Variants in ST7L observed in about 807,000 individuals in gnomAD.
ST7L encodes the protein suppressor of tumorigenicity 7 protein-like.
In ST7L, 57 loss-of-function variants were observed where a neutral mutation model predicts 72.5. The observed-to-expected ratio is 0.79, with a 90% CI of 0.64 to 0.98. The LOEUF (loss-of-function observed/expected upper bound fraction) is 0.98. Ranked by LOEUF, ST7L falls within the 50% of genes least tolerant of loss-of-function variation. ST7L has a pLI of 0.00. For synonymous variants in ST7L, 221 were observed against 240.9 expected (o/e 0.92, Z 0.77); for missense variants, 576 against 672.2 (o/e 0.86, Z 1.58).
downstream of ST7L, chr1:112,521,207 C>G (rs1652853675): frequency 6.6e-6 from 1 of 152,222 alleles, no homozygotes. Context: ...CCTGTTCAAA[C>G]TGAGGTGGAA....
intron 11 of ST7L, among the ~76,000 whole-genome samples, chr1:112,574,297 A>G (rs1424051340): frequency 1.4e-5 from 2 of 146,218 alleles, no homozygotes; most frequent in Admixed American, 6.8e-5. Context: ...GCTCACTGCA[A>G]CCTCTGCCTC....
intron 6 of ST7L, among the ~76,000 whole-genome samples, chr1:112,584,349 G>GT (rs1042986132): frequency 2.7e-4 from 36 of 133,572 alleles, no homozygotes; most frequent in Admixed American, 1.9e-3. Context: ...CCTTCTCTTT[G>GT]TTTTTTAAAA....
rs1277186017 is a variant in ST7L at position 112,600,840 on chromosome 1, C to T, written c.460G>A (p.Val154Ile). ...AAAAGATTTAGAGGGTTTCTCCATA[C>T]CTTACATTCTGAAAAACAAGGGAGA... ...TSRQNLSECK[V>I]WRNPLNLFRG... Residue 154 changes from valine to isoleucine, a missense_variant, in exon 4 of 15, where the codon GTA becomes ATA. Physicochemically the swap from Val to Ile is conservative, Grantham distance 29. This residue lies in a region of ST7L where 511 missense variants were observed against 600.7 expected (regional missense o/e 0.85). Coordinates refer to ENST00000358039, the MANE Select transcript of ST7L (RefSeq NM_017744.5). The T allele has an allele frequency of 1.2e-6, 2 of 1,608,664 alleles. No homozygotes were observed. The highest frequency in any genetic ancestry group is 2.2e-5 in the South Asian group (2 of 90,282).
At chr1:112,614,543 T>G (rs895998201) in intron 2 of ST7L, among the ~76,000 whole-genome samples, 16 of 152,196 alleles carry the variant, frequency 1.1e-4, no homozygotes, top group African/African-American at 3.9e-4. Context: ...ATCTCGTTCT[T>G]GTTTGGCATT....
At chr1:112,520,500 C>T (rs1304046731), downstream of ST7L, 2 of 1,613,996 alleles carry the variant, frequency 1.2e-6, no homozygotes, top group Middle Eastern at 3.3e-4. Context: ...AGTGGCTGGA[C>T]CAAACCTGAA....
intron 9 of ST7L, among the ~76,000 whole-genome samples, chr1:112,578,863 G>A (rs114492778): frequency 0.02 from 3,068 of 152,288 alleles, 106 homozygotes; most frequent in African/African-American, 0.069. Context: ...ACCTGGACGT[G>A]ATGTTGAAAA....
chr1:112,564,488 G>C (rs757896485), intron 11 of ST7L, among the ~76,000 whole-genome samples: 4 of 152,032 alleles, frequency 2.6e-5, no homozygotes, highest in Non-Finnish European at 5.9e-5. Context: ...ATATATGCCG[G>C]TGCTATGATA....
intron 11 of ST7L, among the ~76,000 whole-genome samples, chr1:112,568,864 AT>A (rs1661554399): frequency 1.2e-5 from 1 of 83,060 alleles, no homozygotes; most frequent in African/African-American, 3.9e-5. Context: ...AAATATAAAT[AT>A]ATATATATAT....
chr1:112,556,735 T>G (rs551728319), intron 11 of ST7L, among the ~76,000 whole-genome samples: 50 of 152,022 alleles, frequency 3.3e-4, no homozygotes, highest in African/African-American at 1.2e-3. Flanking sequence ...CCCAACACTT[T>G]GAGAGGCCAA....
intron 11 of ST7L, among the ~76,000 whole-genome samples, chr1:112,565,107 C>T (rs1004853290): frequency 1.3e-5 from 2 of 150,588 alleles, no homozygotes; most frequent in Non-Finnish European, 3.0e-5. Flanking sequence ...TGCAATGGCG[C>T]GATCTCGGCT....
downstream of ST7L, chr1:112,520,840 C>T: frequency 3.3e-6 from 1 of 301,720 alleles, no homozygotes; most frequent in Non-Finnish European, 6.2e-6. Context: ...TTTGCACCAG[C>T]TTCCCGATAC....
intron 13 of ST7L, among the ~76,000 whole-genome samples, chr1:112,548,915 T>C (rs1326632086): frequency 6.6e-6 from 1 of 152,196 alleles, no homozygotes; most frequent in East Asian, 1.9e-4. Flanking sequence ...GTTCTTTGAC[T>C]GCTCTTTTTC....
intron 14 of ST7L, among the ~76,000 whole-genome samples, chr1:112,539,006 C>T (rs569626647): frequency 6.6e-6 from 1 of 152,328 alleles, no homozygotes; most frequent in African/African-American, 2.4e-5. Flanking sequence ...CAAAGCAAAG[C>T]AGCCTGCCTC....
rs1262357408 is a variant in ST7L, at chr1:112,564,778, T to C, written c.1246-8760A>G. On this transcript the variant is annotated intron_variant, in intron 11 of 14. Coordinates refer to ENST00000358039, the MANE Select transcript of ST7L (RefSeq NM_017744.5). ...GTTGCAGTGAGCCGAGACTGTGCCA[T>C]TGCACTCCAGCCTGGGCAACAAGAG... Among the ~76,000 whole-genome samples, 11 of 144,022 alleles carry C rather than the reference T, an allele frequency of 7.6e-5. No individual in the cohort carries two copies. The South Asian group carries it at 2.2e-3, about 29-fold the overall frequency. The allele number at this position is 144,022 out of a possible 152,430, so 94.5% of individuals were successfully genotyped here. A position where few individuals can be genotyped will look rare whatever the true frequency, so the allele number is the denominator to read the frequency against.
intron 10 of ST7L, 46 bp from the exon 11 acceptor site, chr1:112,577,134 G>A (rs1663230229): frequency 1.4e-5 from 18 of 1,263,962 alleles, no homozygotes; most frequent in South Asian, 3.1e-5. Context: ...CTAAAAAAAA[G>A]AAAAAAAGTA....
At chr1:112,616,052 T>G (rs184036070) in intron 2 of ST7L, among the ~76,000 whole-genome samples, 153 of 152,290 alleles carry the variant, frequency 1.0e-3, no homozygotes, top group Non-Finnish European at 1.5e-3. Context: ...GGGTTCTCTT[T>G]AAATCATTTG....
At chr1:112,571,999 G>A (rs1259512293) in intron 11 of ST7L, among the ~76,000 whole-genome samples, 1 of 152,180 alleles carries the variant, frequency 6.6e-6, no homozygotes, top group Non-Finnish European at 1.5e-5. Context: ...TTCTTGATCT[G>A]TGGGCTGCAG....
chr1:112,548,852 G>A (rs1337322716), intron 13 of ST7L, among the ~76,000 whole-genome samples: 1 of 152,208 alleles, frequency 6.6e-6, no homozygotes, highest in Non-Finnish European at 1.5e-5. Flanking sequence ...GCAGGAACTA[G>A]ACTGAAACAC....
Position 112,598,567 on chromosome 1 carries a change from T to C in ST7L, c.507-481A>G, listed in dbSNP as rs185670881. 8.5e-3 allele frequency among the ~76,000 whole-genome samples: 1,279 copies of C among 149,756 alleles called. 16 individuals are homozygous for C. The highest frequency in any genetic ancestry group is 0.012 in the Non-Finnish European group (823 of 67,634). On this transcript the variant is annotated intron_variant, in intron 4 of 14. Coordinates refer to ENST00000358039, the MANE Select transcript of ST7L (RefSeq NM_017744.5). The stretch of plus-strand genomic sequence containing the variant: ...GAGCTCAAGACTAGCTTGAGCAATA[T>C]AGCGAGATCTTATCTCTATTTTTTA...
Sources: gnomAD v4.1 joint callset for allele counts (sites outside exome capture counted in the v4.1 genomes callset) on GRCh38, gnomAD v4.1.1 for gene constraint, gnomAD v4.1.1 regional missense constraint, MANE v1.5 for transcripts, NCBI Gene and HGNC (gene_info 2026-07-23, HGNC 2026-07-21) for gene names.